NDUFA10: variants seen among roughly 807,000 people sequenced by gnomAD.
The protein encoded by NDUFA10 is NADH dehydrogenase [ubiquinone] 1 alpha subcomplex subunit 10, mitochondrial.
Under a neutral mutation model 47.8 loss-of-function variants are expected in NDUFA10, and 40 were observed. The ratio of observed to expected loss-of-function variants is 0.84; its 90% CI spans 0.65 to 1.09. The LOEUF (loss-of-function observed/expected upper bound fraction) is 1.09, where lower values mean the gene tolerates loss of function less well. Ranked by LOEUF, NDUFA10 falls within the 50% of genes least tolerant of loss-of-function variation. The pLI, the probability that NDUFA10 is intolerant of heterozygous loss-of-function variation, is 0.00. For missense variants in NDUFA10, 413 were observed against 451.1 expected, an observed-to-expected ratio of 0.92 and a Z score of 0.76; for synonymous variants, 183 against 172.2, an observed-to-expected ratio of 1.06 and a Z score of -0.49.
intron 4 of NDUFA10, among the ~76,000 whole-genome samples, chr2:239,923,788 A>G (rs1694025958): frequency 6.6e-6 from 1 of 152,110 alleles, no homozygotes; most frequent in Admixed American, 6.5e-5. Context: ...AAACAGAAAA[A>G]TAAGGGAAAT....
chr2:239,992,657 G>C (rs1696298577), intron 8 of NDUFA10, among the ~76,000 whole-genome samples: 2 of 152,206 alleles, frequency 1.3e-5, no homozygotes, highest in Non-Finnish European at 2.9e-5. Flanking sequence ...TCTGAGAGGA[G>C]CTTGCACAGC....
At chr2:239,912,297 A>G (rs926212349) in intron 4 of NDUFA10, among the ~76,000 whole-genome samples, 8 of 152,126 alleles carry the variant, frequency 5.3e-5, no homozygotes, top group African/African-American at 1.9e-4. Flanking sequence ...TCCTGGGCAG[A>G]ACGCTTGGGA....
chr2:239,982,095 C>T, intron 9 of NDUFA10: 3 of 1,612,326 alleles, frequency 1.9e-6, no homozygotes, highest in Non-Finnish European at 2.5e-6. Context: ...TGCAGCAAAC[C>T]AGTGACCTGA....
chr2:239,902,161 TCTA>T (rs1478819863), intron 4 of NDUFA10, among the ~76,000 whole-genome samples: 6 of 152,204 alleles, frequency 3.9e-5, no homozygotes, highest in Non-Finnish European at 5.9e-5. Context: ...TAAAAGAAGT[TCTA>T]CTATGGATAA....
At chr2:239,896,241 A>C (rs1693394214) in intron 4 of NDUFA10, among the ~76,000 whole-genome samples, 1 of 152,230 alleles carries the variant, frequency 6.6e-6, no homozygotes, top group African/African-American at 2.4e-5. Context: ...ATATCATGCA[A>C]ATCTCCTGTG....
At chr2:239,948,535 T>C (rs1397184030) in intron 4 of NDUFA10, among the ~76,000 whole-genome samples, 3 of 152,196 alleles carry the variant, frequency 2.0e-5, no homozygotes, top group African/African-American at 7.2e-5. Flanking sequence ...GAAAACCCAA[T>C]GTAAAAAGCA....
intron 9 of NDUFA10, among the ~76,000 whole-genome samples, chr2:239,964,807 ATTCAT>A (rs1454645287): frequency 6.6e-6 from 1 of 152,194 alleles, no homozygotes; most frequent in Non-Finnish European, 1.5e-5. Context: ...CCTGCCAGAA[ATTCAT>A]TTCTTTTTCC....
rs556768393 is a variant in NDUFA10 at position 239,994,720 on chromosome 2, G to C, written c.891-4538C>G. 9.2e-5 allele frequency among the ~76,000 whole-genome samples: 14 copies of C among 152,224 alleles called. No homozygotes were observed. In the East Asian group the frequency reaches 2.5e-3, roughly 27 times the overall value. ...CCGCTGCAATAGAGCAGTTTAAAGA[G>C]AAGGTGGAGGTTTTTTAAAGCAAAG... On this transcript the variant is annotated intron_variant, in intron 8 of 9. Coordinates refer to ENST00000252711, the MANE Select transcript of NDUFA10 (RefSeq NM_004544.4).
intron 4 of NDUFA10, among the ~76,000 whole-genome samples, chr2:239,895,853 A>G (rs1195324424): frequency 6.6e-6 from 1 of 152,226 alleles, no homozygotes; most frequent in African/African-American, 2.4e-5. Context: ...TGCCTTCTTG[A>G]CACTGCCTGC....
chr2:239,917,097 T>G (rs1466238419), intron 4 of NDUFA10, among the ~76,000 whole-genome samples: 3 of 151,820 alleles, frequency 2.0e-5, no homozygotes, highest in African/African-American at 7.3e-5. Context: ...TGCCTGGGGG[T>G]GGGGTCTCAG....
intron 3 of NDUFA10, among the ~76,000 whole-genome samples, chr2:240,020,849 A>G (rs980443212): frequency 2.6e-5 from 4 of 152,296 alleles, no homozygotes; most frequent in African/African-American, 7.2e-5. Context: ...CACAGTCTTC[A>G]TAAGTGTGAT....
chr2:239,991,563 G>A (rs942851784), intron 8 of NDUFA10, among the ~76,000 whole-genome samples: 11 of 152,196 alleles, frequency 7.2e-5, no homozygotes, highest in Admixed American at 2.0e-4. Context: ...GCTGTATTTT[G>A]TAAGACTGCA....
At chr2:239,942,677 G>A (rs559064517) in intron 4 of NDUFA10, among the ~76,000 whole-genome samples, 74 of 151,610 alleles carry the variant, frequency 4.9e-4, no homozygotes, top group Non-Finnish European at 7.9e-4. Context: ...TTTATCTTGC[G>A]CATGCTGTGG....
At chr2:239,914,335 GAC>G (rs374224519) in intron 4 of NDUFA10, among the ~76,000 whole-genome samples, 2 of 141,190 alleles carry the variant, frequency 1.4e-5, no homozygotes, top group African/African-American at 2.7e-5. Flanking sequence ...TACATATACA[GAC>G]ACACACAAAT....
At chr2:239,946,414 C>G (rs955450987) in intron 4 of NDUFA10, among the ~76,000 whole-genome samples, 1 of 152,218 alleles carries the variant, frequency 6.6e-6, no homozygotes, top group African/African-American at 2.4e-5. Context: ...AACCCGCATG[C>G]TCTGTATGAG....
At chr2:239,951,926 C>T (rs1049502700) in intron 4 of NDUFA10, among the ~76,000 whole-genome samples, 4 of 152,246 alleles carry the variant, frequency 2.6e-5, no homozygotes, top group African/African-American at 9.6e-5. Context: ...CAGGCTCCTG[C>T]CTGGCTCTGT....
At chr2:240,015,668 C>T (rs1452554460) in intron 4 of NDUFA10, among the ~76,000 whole-genome samples, 1 of 152,162 alleles carries the variant, frequency 6.6e-6, no homozygotes, top group Non-Finnish European at 1.5e-5. Context: ...GGAACCCTGC[C>T]GCTCTTCAGA....
intron 9 of NDUFA10, among the ~76,000 whole-genome samples, chr2:239,970,222 T>C (rs933936313): frequency 6.6e-6 from 1 of 152,140 alleles, no homozygotes; most frequent in Admixed American, 6.5e-5. Flanking sequence ...TTAGAAACTA[T>C]GCAAGCCAAG....
At chr2:239,898,973 AAGAGGTATGATGGAGAGGTGTGATGG>A (rs1328430352) in intron 4 of NDUFA10, among the ~76,000 whole-genome samples, 2 of 87,482 alleles carry the variant, frequency 2.3e-5, no homozygotes, top group Non-Finnish European at 5.1e-5. Context: ...GGGTGTGATG[AAGAGGTATGATGGAGAGGTGTGATGG>A]AGAGGTGTGA....
Sources: allele counts gnomAD v4.1 joint callset (sites outside exome capture counted in the v4.1 genomes callset), GRCh38; gene constraint gnomAD v4.1.1; transcripts MANE v1.5; gene names NCBI Gene and HGNC (gene_info 2026-07-23, HGNC 2026-07-21).